ATL2: variants seen among roughly 807,000 people sequenced by gnomAD.
ATL2 encodes the protein atlastin-2.
Under a neutral mutation model 73.9 loss-of-function variants are expected in ATL2, and 31 were observed. The observed-to-expected ratio is 0.42, with a 90% CI of 0.32 to 0.57. ATL2 has a LOEUF of 0.57. ATL2 is among the 20% of genes least tolerant of loss of function. The probability of loss-of-function intolerance (pLI) is 0.14; values close to 1 mark genes in which losing one functional copy is unlikely to be tolerated. For synonymous variants in ATL2, 291 were observed against 237.5 expected (o/e 1.23, Z -2.07); for missense variants, 738 against 702.6 (o/e 1.05, Z -0.57).
intron 6 of ATL2, among the ~76,000 whole-genome samples, 171 bp downstream of exon 6, chr2:38,314,437 G>A (rs1038508701): frequency 2.9e-4 from 33 of 113,360 alleles, no homozygotes; most frequent in Non-Finnish European, 5.3e-4. Flanking sequence ...TATCCTGTTC[G>A]CCTACTGATA....
At chr2:38,330,637 A>G (rs1668932782) in intron 2 of ATL2, among the ~76,000 whole-genome samples, 1 of 152,246 alleles carries the variant, frequency 6.6e-6, no homozygotes, top group Admixed American at 6.5e-5. Flanking sequence ...TGAAATTAAG[A>G]AAGCAATTCC....
At chr2:38,367,487 T>A (rs1671398155) in intron 1 of ATL2, among the ~76,000 whole-genome samples, 1 of 145,438 alleles carries the variant, frequency 6.9e-6, no homozygotes, top group African/African-American at 2.5e-5. Context: ...GCGCCTGTAG[T>A]CCCAGTTACT....
At chr2:38,334,929 T>TATAATA (rs1669260758) in intron 2 of ATL2, among the ~76,000 whole-genome samples, 1 of 137,222 alleles carries the variant, frequency 7.3e-6, no homozygotes, top group African/African-American at 2.7e-5. Flanking sequence ...TATTTATATA[T>TATAATA]TATAATATAT....
rs72906103 is a variant in ATL2, at chr2:38,362,891, G to A, written c.118+14252C>T. Among the ~76,000 whole-genome samples, 300 of 152,316 alleles carry A rather than the reference G, an allele frequency of 2.0e-3. 5 individuals carry two copies. Among genetic ancestry groups the A allele is most frequent in the African/African-American group, 7.0e-3 (292 of 41,570 alleles). On this transcript the variant is annotated intron_variant, in intron 1 of 12. Transcript: ENST00000378954. Reference sequence around the variant, plus strand: ...TAGTCACAGATAACTTCTCCTACAAGATGACATTTGAGCAAAGAACTGAAA... The same window carrying A: ...TAGTCACAGATAACTTCTCCTACAAAATGACATTTGAGCAAAGAACTGAAA...
At chr2:38,297,188 G>T (rs1666942481) in intron 12 of ATL2, among the ~76,000 whole-genome samples, 1 of 152,174 alleles carries the variant, frequency 6.6e-6, no homozygotes, top group African/African-American at 2.4e-5. Context: ...ATCATTACAA[G>T]AAAAGTCAAT....
At chr2:38,368,549 G>A (rs1671485376) in intron 1 of ATL2, among the ~76,000 whole-genome samples, 1 of 152,158 alleles carries the variant, frequency 6.6e-6, no homozygotes, top group Non-Finnish European at 1.5e-5. Context: ...ACTGCACCCA[G>A]CCATAACAAC....
Position 38,334,850 on chromosome 2 carries a change from TC to T in ATL2, c.363+8417del, listed in dbSNP as rs1669213275. ...TCAACATTATAGTTATAATTTATAT[TC>T]AATATTTATATATTATATAATATAT... On this transcript the variant is annotated intron_variant, in intron 2 of 12. Coordinates refer to ENST00000378954, the MANE Select transcript of ATL2 (RefSeq NM_001135673.4). Among the ~76,000 whole-genome samples, 6 of 74,976 alleles carry T rather than the reference TC, an allele frequency of 8.0e-5. No homozygotes were observed. The East Asian group carries it at 3.4e-3, about 42-fold the overall frequency. The allele number at this position is 74,976 out of a possible 152,430, so 49.2% of individuals were successfully genotyped here. A position where few individuals can be genotyped will look rare whatever the true frequency, so the allele number is the denominator to read the frequency against.
Position 38,318,879 on chromosome 2 carries a change from T to A in ATL2, c.498+6A>T, listed in dbSNP as rs370752321. 6.2e-7 allele frequency: 1 copy of A among 1,610,208 alleles called. No individual in the cohort carries two copies. ...ACAGGGTAGAAAAGTATAAACAGAA[T>A]TTTACTTTAGTTCCATTAGGTCTGT... On this transcript the variant is annotated splice_donor_region_variant and intron_variant, in intron 3 of 12. Transcript: ENST00000378954.
chr2:38,364,613 T>C (rs1671198724), intron 1 of ATL2, among the ~76,000 whole-genome samples: 1 of 152,250 alleles, frequency 6.6e-6, no homozygotes, highest in Non-Finnish European at 1.5e-5. Flanking sequence ...ACTACATTCC[T>C]ATTTCCGGAA....
At chr2:38,353,832 T>G (rs1317364747) in intron 1 of ATL2, among the ~76,000 whole-genome samples, 3 of 152,184 alleles carry the variant, frequency 2.0e-5, no homozygotes, top group African/African-American at 7.2e-5. Flanking sequence ...TTAAAAGAAG[T>G]GTCAACCTAG....
intron 1 of ATL2, among the ~76,000 whole-genome samples, chr2:38,364,795 A>G (rs924799510): frequency 2.6e-5 from 4 of 152,238 alleles, no homozygotes; most frequent in African/African-American, 9.6e-5. Flanking sequence ...CTGTAATCCC[A>G]GCACTTTGGG....
At chr2:38,302,923 T>C (rs1481886713) in intron 9 of ATL2, among the ~76,000 whole-genome samples, 1 of 152,034 alleles carries the variant, frequency 6.6e-6, no homozygotes, top group African/African-American at 2.4e-5. Context: ...CACCAACAAA[T>C]ATTCACAAGC....
At chr2:38,313,796 C>G (rs1207971414) in intron 6 of ATL2, among the ~76,000 whole-genome samples, 2 of 152,146 alleles carry the variant, frequency 1.3e-5, no homozygotes, top group African/African-American at 2.4e-5. Context: ...CCTCTATATG[C>G]TAGATACCAA....
intron 2 of ATL2, among the ~76,000 whole-genome samples, chr2:38,328,045 G>A (rs1004517912): frequency 4.6e-5 from 7 of 152,128 alleles, no homozygotes; most frequent in African/African-American, 1.7e-4. Context: ...GTAAAGGTAT[G>A]GGAAAAACAT....
chr2:38,349,161 T>C (rs1670197946), intron 1 of ATL2, among the ~76,000 whole-genome samples: 1 of 152,024 alleles, frequency 6.6e-6, no homozygotes, highest in Admixed American at 6.5e-5. Context: ...GACCCAGTCA[T>C]CCCATTACTG....
At position 38,297,231 on chromosome 2, in the gene ATL2, G is replaced by A. The variant is rs570742364; in HGVS notation, c.1632+913C>T. On this transcript the variant is annotated intron_variant, in intron 12 of 12. Transcript: ENST00000378954. ...CAACTTTCTTCAAAAAAAATGGTCT[G>A]CTTCTTCGGTCTTCAAGTTTATAGC... Among the ~76,000 whole-genome samples, 5 of 152,216 alleles carry A rather than the reference G, an allele frequency of 3.3e-5. No homozygotes were observed. The East Asian group carries it at 9.6e-4, about 29-fold the overall frequency.
chr2:38,299,204 T>TA, intron 11 of ATL2, 52 bp downstream of exon 11: 1 of 1,431,320 alleles, frequency 7.0e-7, no homozygotes. Context: ...TTTTTTTTTT[T>TA]AATTTAAAAA....
At chr2:38,377,385 C>G, upstream of ATL2, 4 of 757,904 alleles carry the variant, frequency 5.3e-6, no homozygotes, top group South Asian at 7.4e-5. Flanking sequence ...TCTCCTCGCC[C>G]TCCGCCTGTA....
chr2:38,337,329 T>C (rs1450132487), intron 2 of ATL2, among the ~76,000 whole-genome samples: 1 of 150,716 alleles, frequency 6.6e-6, no homozygotes, highest in African/African-American at 2.4e-5. Context: ...CTATTAAAAA[T>C]ACAAAAATTA....
Sources: gnomAD v4.1 joint callset for allele counts (sites outside exome capture counted in the v4.1 genomes callset) on GRCh38, gnomAD v4.1.1 for gene constraint, MANE v1.5 for transcripts, NCBI Gene and HGNC (gene_info 2026-07-23, HGNC 2026-07-21) for gene names.